SERHL2: variants seen among roughly 807,000 people sequenced by gnomAD.
SERHL2 encodes the protein serine hydrolase like 2, also known as serine hydrolase-like protein 2.
SERHL2 carries 29 observed loss-of-function variants against 25.5 expected under a neutral mutation model. The ratio of observed to expected loss-of-function variants is 1.14; its 90% CI spans 0.85 to 1.55. The LOEUF (loss-of-function observed/expected upper bound fraction) is 1.55, where lower values mean the gene tolerates loss of function less well. Ranked by LOEUF, SERHL2 falls within the 40% of genes most tolerant of loss-of-function variation. The pLI is 0.00. For synonymous variants in SERHL2, 95 were observed against 103.5 expected (o/e 0.92, Z 0.50); for missense variants, 240 against 252.3 (o/e 0.95, Z 0.33).
intron 9 of SERHL2, chr22:42,569,491 C>G (rs1019856065): frequency 2.6e-5 from 4 of 151,822 alleles, no homozygotes; most frequent in East Asian, 1.9e-4. Flanking sequence ...AACTTCTGAC[C>G]TCAGGCGATC....
chr22:42,554,278 C>G (rs1921961406), intron 1 of SERHL2, among the ~76,000 whole-genome samples: 1 of 152,076 alleles, frequency 6.6e-6, no homozygotes, highest in Non-Finnish European at 1.5e-5. Context: ...GCCGAGCGTG[C>G]GCGTGGGTGT....
chr22:42,561,897 GACC>G (rs1922728796), intron 8 of SERHL2, among the ~76,000 whole-genome samples: 2 of 151,804 alleles, frequency 1.3e-5, no homozygotes, highest in Non-Finnish European at 2.9e-5. Flanking sequence ...ACGGATGGCT[GACC>G]TAGGGAGCCC....
chr22:42,562,104 T>C (rs879627356), intron 8 of SERHL2, among the ~76,000 whole-genome samples: 11 of 151,578 alleles, frequency 7.3e-5, no homozygotes, highest in African/African-American at 1.2e-4. Flanking sequence ...GGCTGGAACG[T>C]TGTGTGCAGA....
chr22:42,560,184 A>C lies in SERHL2; in HGVS notation c.534-2A>C. ...ACCCAGCATCCTTCTGTCTCCCCCC[A>C]GGTTACTGAAGAGCAATAGCCACTT... On this transcript the variant is annotated splice_acceptor_variant, in intron 7 of 11. Coordinates refer to ENST00000327678, the MANE Select transcript of SERHL2 (RefSeq NM_014509.5). LOFTEE classifies it high-confidence loss of function. 1.2e-6 allele frequency: 2 copies of C among 1,609,804 alleles called. No homozygotes were observed. The highest frequency in any genetic ancestry group is 1.7e-6 in the Non-Finnish European group (2 of 1,176,546).
intron 9 of SERHL2, among the ~76,000 whole-genome samples, chr22:42,567,461 G>A (rs919757750): frequency 3.3e-5 from 5 of 151,068 alleles, no homozygotes; most frequent in African/African-American, 4.8e-5. Flanking sequence ...TCAGGAGATC[G>A]AGACCATCCT....
intron 8 of SERHL2, among the ~76,000 whole-genome samples, chr22:42,561,710 C>A (rs894367858): frequency 1.3e-5 from 2 of 151,794 alleles, no homozygotes; most frequent in Non-Finnish European, 2.9e-5. Flanking sequence ...AAATGGACAG[C>A]ATCCCCCGAG....
rs1440998536 is a variant in SERHL2 at position 42,573,939 on chromosome 22, T to C, written c.829T>C (p.Phe277Leu). Residue 277 changes from phenylalanine to leucine, a missense_variant, in exon 12 of 12, where the codon TTC (phenylalanine) becomes CTC (leucine). Coordinates refer to ENST00000327678, the MANE Select transcript of SERHL2 (RefSeq NM_014509.5). The stretch of plus-strand genomic sequence containing the variant: ...ACCCACCCCCTCCCCTCTCCAGCAG[T>C]TCCAGTTTGTGGAAGTCCCAGGCAA... ...DTMKSTLKEQ[F>L]QFVEVPGNHC... 5 of 1,471,022 alleles carry C rather than the reference T, an allele frequency of 3.4e-6. No homozygotes were observed. Among genetic ancestry groups the C allele is most frequent in the African/African-American group, 2.9e-5 (2 of 69,872 alleles). The allele number at this position is 1,471,022 out of a possible 1,614,324, so 91.1% of individuals were successfully genotyped here. A position where few individuals can be genotyped will look rare whatever the true frequency, so the allele number is the denominator to read the frequency against.
At chr22:42,570,299 C>A (rs1367790101) in intron 9 of SERHL2, among the ~76,000 whole-genome samples, 1 of 151,968 alleles carries the variant, frequency 6.6e-6, no homozygotes, top group African/African-American at 2.4e-5. Flanking sequence ...TGCCTGTAAT[C>A]CCAGCTACTC....
intron 1 of SERHL2, among the ~76,000 whole-genome samples, chr22:42,554,651 C>T (rs1340980492): frequency 2.0e-4 from 31 of 152,014 alleles, no homozygotes; most frequent in African/African-American, 7.5e-4. Context: ...GCCTGACCAG[C>T]GCCCCCGCCC....
chr22:42,566,927 C>T (rs1240546618), intron 9 of SERHL2, among the ~76,000 whole-genome samples: 1 of 152,180 alleles, frequency 6.6e-6, no homozygotes, highest in South Asian at 2.1e-4. Context: ...CCTCTCTGAG[C>T]CTTGGTTGTC....
chr22:42,566,468 C>G lies in SERHL2; in HGVS notation c.648+130C>G, dbSNP rs1170556516. On this transcript the variant is annotated intron_variant, in intron 9 of 11. Transcript: ENST00000327678. ...AGCTACTCAGGAGGCTGAGGCAGGA[C>G]AATCGCTTGAATGGGAGGCAGAGGT... 76 of 833,484 alleles carry G rather than the reference C, an allele frequency of 9.1e-5. 1 individual carries two copies. The highest frequency in any genetic ancestry group is 4.4e-4 in the South Asian group (30 of 68,654). 51.6% of individuals were successfully genotyped at this position (833,484 alleles called of 1,614,324 possible). A position where few individuals can be genotyped will look rare whatever the true frequency, so the allele number is the denominator to read the frequency against.
At chr22:42,564,777 T>G (rs560070788) in intron 8 of SERHL2, among the ~76,000 whole-genome samples, 1 of 151,916 alleles carries the variant, frequency 6.6e-6, no homozygotes, top group Admixed American at 6.6e-5. Context: ...ATGGCTCTTT[T>G]ACAGAGTTTT....
At position 42,573,556 on chromosome 22, in the gene SERHL2, G is replaced by C. The variant is rs562306109; in HGVS notation, c.826-380G>C. The C allele has an allele frequency of 2.3e-5, 5 of 218,964 alleles. No homozygotes were observed. The East Asian group carries it at 5.4e-4, about 24-fold the overall frequency. 13.6% of individuals were successfully genotyped at this position (218,964 alleles called of 1,614,324 possible). On this transcript the variant is annotated intron_variant, in intron 11 of 11. Coordinates refer to ENST00000327678, the MANE Select transcript of SERHL2 (RefSeq NM_014509.5). Reference sequence around the variant, plus strand: ...AATACAGGCGTGAGCCACTGCGCCCGGCCCTGTCTGGCTTCTTGAAGGCAG... The same window carrying C: ...AATACAGGCGTGAGCCACTGCGCCCCGCCCTGTCTGGCTTCTTGAAGGCAG...
At chr22:42,571,616 A>T (rs1924206199) in intron 10 of SERHL2, 2 of 297,200 alleles carry the variant, frequency 6.7e-6, no homozygotes, top group Non-Finnish European at 1.1e-5. Flanking sequence ...AGTAGAGACG[A>T]GGTTTCGCCA....
intron 11 of SERHL2, chr22:42,573,657 C>T (rs1387446836): frequency 1.3e-5 from 6 of 449,442 alleles, no homozygotes; most frequent in Non-Finnish European, 2.4e-5. Flanking sequence ...ACAATCACAG[C>T]AACCCTGGCC....
At chr22:42,570,948 C>T (rs1924087093) in intron 9 of SERHL2, among the ~76,000 whole-genome samples, 173 bp from the exon 10 acceptor site, 1 of 151,964 alleles carries the variant, frequency 6.6e-6, no homozygotes, top group Admixed American at 6.6e-5. Context: ...CTCTGGCCAC[C>T]AGGGGCTAAA....
chr22:42,560,145 A>AT, intron 7 of SERHL2, 41 bp from the exon 8 acceptor site: 1 of 1,500,230 alleles, frequency 6.7e-7, no homozygotes, highest in African/African-American at 1.4e-5. Context: ...CCTCCTTTTT[A>AT]TTGGCCTCCA....
At chr22:42,556,890 G>A (rs1427242831) in intron 6 of SERHL2, among the ~76,000 whole-genome samples, 1 of 79,902 alleles carries the variant, frequency 1.3e-5, no homozygotes, top group Non-Finnish European at 2.3e-5. Flanking sequence ...GCCATGGGTG[G>A]AAGATGTTCT....
chr22:42,567,813 C>G (rs1319087310), intron 9 of SERHL2, among the ~76,000 whole-genome samples: 1 of 151,620 alleles, frequency 6.6e-6, no homozygotes, highest in African/African-American at 2.4e-5. Flanking sequence ...TCACGGCAAC[C>G]TTTGCCTCCC....
Sources: allele counts gnomAD v4.1 joint callset (sites outside exome capture counted in the v4.1 genomes callset), GRCh38; gene constraint gnomAD v4.1.1; transcripts MANE v1.5; gene names NCBI Gene and HGNC (gene_info 2026-07-23, HGNC 2026-07-21).